Variants in CRYBG1 observed in about 807,000 individuals in gnomAD.
The protein encoded by CRYBG1 is beta/gamma crystallin domain-containing protein 1.
CRYBG1 carries 139 observed loss-of-function variants against 189.2 expected under a neutral mutation model. The observed-to-expected ratio is 0.73, with a 90% CI of 0.64 to 0.85. The LOEUF (loss-of-function observed/expected upper bound fraction) is 0.85, where lower values mean the gene tolerates loss of function less well. CRYBG1 is among the 40% of genes least tolerant of loss of function. The pLI is 0.00. For synonymous variants in CRYBG1, 1,023 were observed against 1,017.1 expected (o/e 1.01, Z -0.11); for missense variants, 2,611 against 2,675.8 (o/e 0.98, Z 0.53).
At chr6:106,384,474 T>C (rs9398081) in intron 1 of CRYBG1, among the ~76,000 whole-genome samples, 40,733 of 151,970 alleles carry the variant, frequency 0.27, 5,709 homozygotes, top group Middle Eastern at 0.33. Flanking sequence ...GCCCTAAGCA[T>C]GTTTTCTTGC....
chr6:106,568,248 G>A (rs1261490074), intron 21 of CRYBG1, among the ~76,000 whole-genome samples: 2 of 152,212 alleles, frequency 1.3e-5, no homozygotes, highest in East Asian at 3.9e-4. Flanking sequence ...GTGTGAAGGT[G>A]CTGGTGCCCC....
intron 2 of CRYBG1, among the ~76,000 whole-genome samples, chr6:106,457,885 T>C (rs1008176560): frequency 2.0e-5 from 3 of 152,238 alleles, no homozygotes; most frequent in African/African-American, 7.2e-5. Context: ...TAGAGAGCAA[T>C]GTATATAGCA....
At chr6:106,436,660 A>G (rs1433279525) in intron 1 of CRYBG1, among the ~76,000 whole-genome samples, 1 of 119,578 alleles carries the variant, frequency 8.4e-6, no homozygotes, top group Non-Finnish European at 1.8e-5. Flanking sequence ...TAAAGGATAA[A>G]TGGCATTCCA....
intron 1 of CRYBG1, among the ~76,000 whole-genome samples, chr6:106,362,422 T>C (rs1771897666): frequency 6.6e-6 from 1 of 152,190 alleles, no homozygotes; most frequent in Admixed American, 6.5e-5. Context: ...CTCTTGTGGA[T>C]ACCAAAAAAT....
intron 1 of CRYBG1, among the ~76,000 whole-genome samples, chr6:106,439,339 T>C (rs1771527586): frequency 6.6e-6 from 1 of 152,172 alleles, no homozygotes; most frequent in Non-Finnish European, 1.5e-5. Context: ...TTATATGTCC[T>C]ACCATTATTC....
chr6:106,387,543 T>C (rs1770415375), intron 1 of CRYBG1, among the ~76,000 whole-genome samples: 1 of 152,232 alleles, frequency 6.6e-6, no homozygotes. Flanking sequence ...ACTTTTATTC[T>C]TGTCACACCT....
intron 8 of CRYBG1, among the ~76,000 whole-genome samples, chr6:106,532,331 G>C (rs1773895750): frequency 6.6e-6 from 1 of 152,132 alleles, no homozygotes; most frequent in South Asian, 2.1e-4. Flanking sequence ...GGCTGATTCT[G>C]TATCTTGGCT....
chr6:106,368,531 G>T (rs897225251), intron 1 of CRYBG1, among the ~76,000 whole-genome samples: 1 of 152,106 alleles, frequency 6.6e-6, no homozygotes, highest in Non-Finnish European at 1.5e-5. Context: ...AATGACCAGC[G>T]AATTGCTTAT....
At chr6:106,435,291 C>T (rs1039537275) in intron 1 of CRYBG1, among the ~76,000 whole-genome samples, 2 of 152,102 alleles carry the variant, frequency 1.3e-5, no homozygotes, top group Non-Finnish European at 2.9e-5. Context: ...ACCTCAGCCT[C>T]CCAAGTAGCC....
At chr6:106,536,412 C>T (rs1774005027) in intron 8 of CRYBG1, among the ~76,000 whole-genome samples, 1 of 152,206 alleles carries the variant, frequency 6.6e-6, no homozygotes, top group Admixed American at 6.5e-5. Context: ...TTCATAGCCC[C>T]CTCTCTTGTG....
At chr6:106,564,528 T>C (rs1774820723) in intron 21 of CRYBG1, among the ~76,000 whole-genome samples, 3 of 152,186 alleles carry the variant, frequency 2.0e-5, no homozygotes, top group African/African-American at 7.2e-5. Flanking sequence ...TCAAACTTTA[T>C]TTGCATCAGA....
chr6:106,371,623 T>A (rs920345527), intron 1 of CRYBG1, among the ~76,000 whole-genome samples: 4 of 152,174 alleles, frequency 2.6e-5, no homozygotes, highest in Admixed American at 6.5e-5. Flanking sequence ...CAATCAGGAG[T>A]CCTTCATTGG....
At chr6:106,464,295 C>T (rs572111075) in intron 2 of CRYBG1, among the ~76,000 whole-genome samples, 12 of 152,282 alleles carry the variant, frequency 7.9e-5, no homozygotes, top group African/African-American at 2.2e-4. Context: ...GAGTTCAAGA[C>T]CAGCCTGACC....
rs1270650972 is a variant in CRYBG1 at position 106,520,932 on chromosome 6, C to T, written c.3724C>T (p.Leu1242Phe). 6.2e-7 allele frequency: 1 copy of T among 1,614,154 alleles called. No individual in the cohort carries two copies. Among genetic ancestry groups the T allele is most frequent in the East Asian group, 2.2e-5 (1 of 44,888 alleles). The change falls in exon 4 of 22, where the codon CTT (leucine) becomes TTT (phenylalanine). Residue 1242 changes from leucine (L) to phenylalanine (F), a missense_variant. By Grantham distance (22) the Leu-to-Phe change is conservative. Coordinates refer to ENST00000633556, the MANE Select transcript of CRYBG1 (RefSeq NM_001371242.2). ...IKRSRLEKSALFSSLLSSLPQ... is the reference protein window; with the variant it reads ...IKRSRLEKSAFFSSLLSSLPQ... ...GAGATCGAGACTAGAAAAAAGTGCACTTTTCTCAAGCTTGTTATCTTCTTT... is the reference window on the plus strand; with the variant it reads ...GAGATCGAGACTAGAAAAAAGTGCATTTTTCTCAAGCTTGTTATCTTCTTT...
At chr6:106,469,044 C>T (rs533363504) in intron 2 of CRYBG1, among the ~76,000 whole-genome samples, 23 of 152,342 alleles carry the variant, frequency 1.5e-4, no homozygotes, top group Admixed American at 4.6e-4. Flanking sequence ...TTTACAGGCC[C>T]TGCGTGGCCT....
intron 2 of CRYBG1, among the ~76,000 whole-genome samples, chr6:106,508,917 CA>C (rs67365041): frequency 0.07 from 10,023 of 142,948 alleles, 420 homozygotes; most frequent in African/African-American, 0.14. Flanking sequence ...ATCTAATAGC[CA>C]AAAAAAAAAA....
intron 1 of CRYBG1, among the ~76,000 whole-genome samples, chr6:106,362,974 G>T (rs368282655): frequency 6.6e-6 from 1 of 151,948 alleles, no homozygotes; most frequent in Non-Finnish European, 1.5e-5. Flanking sequence ...GGCCGGGCGC[G>T]GTGGCTCACG....
rs1298639934 is a variant in CRYBG1 at position 106,361,055 on chromosome 6, G to T, written c.147G>T (p.Pro49=). 1 of 1,535,062 alleles carries T rather than the reference G, an allele frequency of 6.5e-7. No homozygotes were observed. The highest frequency in any genetic ancestry group is 2.0e-5 in the Admixed American group (1 of 50,950). Residue 49 remains proline (P), a synonymous_variant, in exon 1 of 22, where the codon CCG becomes CCT. Coordinates refer to ENST00000633556, the MANE Select transcript of CRYBG1 (RefSeq NM_001371242.2). ...PPDCGVFVPH[P]LPAPAGEARA... ...ACTGTGGGGTGTTCGTTCCGCACCC[G>T]CTCCCGGCGCCTGCCGGAGAGGCCA... is the stretch of plus-strand genomic sequence containing the variant.
intron 2 of CRYBG1, among the ~76,000 whole-genome samples, chr6:106,506,785 C>T (rs2066200): frequency 0.016 from 2,449 of 152,084 alleles, 81 homozygotes; most frequent in African/African-American, 0.056. Flanking sequence ...AGATTATAAA[C>T]ATAAAACAAA....
Sources: allele counts gnomAD v4.1 joint callset (sites outside exome capture counted in the v4.1 genomes callset), GRCh38; gene constraint gnomAD v4.1.1; transcripts MANE v1.5; gene names NCBI Gene and HGNC (gene_info 2026-07-23, HGNC 2026-07-21).